FCAR: variants seen among roughly 807,000 people sequenced by gnomAD.
FCAR encodes the protein immunoglobulin alpha Fc receptor.
Under a neutral mutation model 27.1 loss-of-function variants are expected in FCAR, and 21 were observed. That is an observed-to-expected ratio of 0.77 (90% CI 0.55 to 1.11). The LOEUF is 1.11. FCAR is among the 50% of genes most tolerant of loss of function. The probability of loss-of-function intolerance (pLI) is 0.00; values close to 1 mark genes in which losing one functional copy is unlikely to be tolerated. For synonymous variants in FCAR, 134 were observed against 135.8 expected (o/e 0.99, Z 0.09); for missense variants, 404 against 358.4 (o/e 1.13, Z -1.03).
intron 4 of FCAR, 33 bp downstream of exon 4, chr19:54,888,327 G>T: frequency 6.2e-7 from 1 of 1,610,360 alleles, no homozygotes; most frequent in Non-Finnish European, 8.5e-7. Context: ...CTGTGTCTGG[G>T]TTGGCTGTCC....
intron 1 of FCAR, 107 bp downstream of exon 1, chr19:54,874,430 G>A: frequency 9.1e-7 from 1 of 1,094,970 alleles, no homozygotes. Flanking sequence ...CTGCCAAGGA[G>A]ATTCTGATCT....
intron 3 of FCAR, 36 bp downstream of exon 3, chr19:54,885,561 A>AT: frequency 2.7e-6 from 4 of 1,473,708 alleles, no homozygotes; most frequent in African/African-American, 1.4e-5. Context: ...CCCTGGTGTG[A>AT]TTTTTTTCTT....
In FCAR at chr19:54,889,746, G is replaced by A. The variant is rs764003301; in HGVS notation, c.747G>A (p.Trp249Ter). Reference sequence around the variant, plus strand: ...TCTTGGCCATACTGGTTGAAAATTGGCACAGCCATACGGCACTGAACAAGG... The same window carrying A: ...TCTTGGCCATACTGGTTGAAAATTGACACAGCCATACGGCACTGAACAAGG... ...VALLAILVEN[W>*]HSHTALNKEA... Residue 249 changes from tryptophan to a stop codon, truncating the protein, a stop_gained, in exon 5 of 5, where the codon TGG becomes TGA. Transcript: ENST00000355524. LOFTEE classifies it high-confidence loss of function. 29 of 1,613,958 alleles carry A rather than the reference G, an allele frequency of 1.8e-5. No homozygotes were observed. Among genetic ancestry groups the A allele is most frequent in the Non-Finnish European group, 2.3e-5 (27 of 1,180,014 alleles).
intron 1 of FCAR, 131 bp downstream of exon 1, chr19:54,874,454 G>A (rs1234622617): frequency 3.5e-6 from 3 of 855,832 alleles, no homozygotes; most frequent in Non-Finnish European, 5.7e-6. Flanking sequence ...TAGTGGAAAG[G>A]CCGTCTTTGT....
intron 2 of FCAR, among the ~76,000 whole-genome samples, chr19:54,882,159 G>A (rs2066458168): frequency 6.6e-6 from 1 of 152,196 alleles, no homozygotes; most frequent in Non-Finnish European, 1.5e-5. Flanking sequence ...AGCTCACGGG[G>A]AAGAGAGACT....
intron 2 of FCAR, 56 bp downstream of exon 2, chr19:54,875,421 A>G: frequency 6.8e-7 from 1 of 1,463,108 alleles, no homozygotes; most frequent in South Asian, 1.2e-5. Flanking sequence ...GAGCTCTAGG[A>G]TAAAGAAATT....
chr19:54,886,550 G>A (rs1024428601), intron 3 of FCAR, among the ~76,000 whole-genome samples: 8 of 151,740 alleles, frequency 5.3e-5, no homozygotes, highest in Non-Finnish European at 1.0e-4. Flanking sequence ...CTCGTGATCC[G>A]CCCGCCTGGC....
chr19:54,887,684 A>C (rs2066816631), intron 3 of FCAR, among the ~76,000 whole-genome samples: 1 of 151,786 alleles, frequency 6.6e-6, no homozygotes, highest in Admixed American at 6.6e-5. Context: ...TGGGAGGCCA[A>C]GGTGGGCAAA....
Position 54,885,364 on chromosome 19 carries a change from C to A in FCAR, c.200C>A (p.Thr67Lys), listed in dbSNP as rs1227385567. 1.2e-6 allele frequency: 2 copies of A among 1,614,078 alleles called. No individual in the cohort carries two copies. The highest frequency in any genetic ancestry group is 1.7e-6 in the Non-Finnish European group (2 of 1,180,018). Residue 67 changes from threonine to lysine, a missense_variant, in exon 3 of 5, where the codon ACG becomes AAG. Physicochemically the swap from Thr to Lys is moderately conservative, Grantham distance 78 (BLOSUM62 -1). Coordinates refer to ENST00000355524, the MANE Select transcript of FCAR (RefSeq NM_002000.4). ...CAGCTGATGATCATAAAAAACTCCACGTACCGAGAGATAGGCAGAAGACTG... is the reference window on the plus strand; with the variant it reads ...CAGCTGATGATCATAAAAAACTCCAAGTACCGAGAGATAGGCAGAAGACTG... ...LTQLMIIKNS[T>K]YREIGRRLKF...
At chr19:54,887,743 C>G (rs1159769332) in intron 3 of FCAR, among the ~76,000 whole-genome samples, 1 of 151,480 alleles carries the variant, frequency 6.6e-6, no homozygotes, top group Non-Finnish European at 1.5e-5. Context: ...ATGGAGAGAC[C>G]CCGTCTCTAC....
At chr19:54,876,191 A>T (rs185919643) in intron 2 of FCAR, among the ~76,000 whole-genome samples, 5 of 152,274 alleles carry the variant, frequency 3.3e-5, no homozygotes, top group Admixed American at 2.6e-4. Flanking sequence ...TGTATCCTGG[A>T]ACTTTGCTAA....
chr19:54,877,573 T>G (rs4806602), intron 2 of FCAR, among the ~76,000 whole-genome samples: 43,083 of 152,010 alleles, frequency 0.28, 6,213 homozygotes, highest in South Asian at 0.39. Flanking sequence ...CTGAATGCTT[T>G]TTCGTGTCTC....
chr19:54,888,433 G>T, intron 4 of FCAR, 139 bp downstream of exon 4: 1 of 1,446,380 alleles, frequency 6.9e-7, no homozygotes, highest in Non-Finnish European at 9.1e-7. Flanking sequence ...AGAGAGAAAG[G>T]CTTCCCCACC....
chr19:54,887,938 C>CAAT, intron 3 of FCAR, 69 bp from the exon 4 acceptor site: 2 of 1,248,114 alleles, frequency 1.6e-6, no homozygotes, highest in Non-Finnish European at 2.2e-6. Context: ...ATAATAATAA[C>CAAT]AATAATAAGA....
In FCAR at chr19:54,874,316, G is replaced by A; in HGVS notation, c.27G>A (p.Leu9=). The change falls in exon 1 of 5, where the codon CTG becomes CTA. Residue 9 remains leucine (L), a synonymous_variant. Coordinates refer to ENST00000355524, the MANE Select transcript of FCAR (RefSeq NM_002000.4). ...TGGACCCCAAACAGACCACCCTCCT[G>A]TGTCTTGGTGAGTTTCAGAGTAAAA... The part of the protein sequence containing the change: MDPKQTTL[L]CLVLCLGQRI... 1.2e-6 allele frequency: 2 copies of A among 1,614,230 alleles called. No individual in the cohort carries two copies. Among genetic ancestry groups the A allele is most frequent in the Non-Finnish European group, 1.7e-6 (2 of 1,180,032 alleles).
Position 54,882,288 on chromosome 19 carries a change from A to C in FCAR, c.71-2947A>C, listed in dbSNP as rs146588536. The stretch of plus-strand genomic sequence containing the variant: ...CATGGACCCCTTGGATTGTGTTTCA[A>C]ATTTCTCCTCAATTTCGAAGAGCGT... On this transcript the variant is annotated intron_variant, in intron 2 of 4. Transcript: ENST00000355524. Among the ~76,000 whole-genome samples the C allele has an allele frequency of 6.0e-4, 91 of 152,322 alleles. 1 individual carries two copies. In the East Asian group the frequency reaches 0.014, roughly 24 times the overall value.
chr19:54,881,606 C>A (rs1039155499), intron 2 of FCAR, among the ~76,000 whole-genome samples: 2 of 151,976 alleles, frequency 1.3e-5, no homozygotes, highest in Admixed American at 6.6e-5. Flanking sequence ...GCGCGGTGGA[C>A]TCACGCCCGG....
At chr19:54,883,826 G>T (rs796566369) in intron 2 of FCAR, among the ~76,000 whole-genome samples, 6 of 152,206 alleles carry the variant, frequency 3.9e-5, no homozygotes, top group African/African-American at 1.4e-4. Context: ...GCGTGGTGGC[G>T]GGCGCCTGTA....
Position 54,883,440 on chromosome 19 carries a change from A to C in FCAR, c.71-1795A>C, listed in dbSNP as rs2066530772. On this transcript the variant is annotated intron_variant, in intron 2 of 4. Coordinates refer to ENST00000355524, the MANE Select transcript of FCAR (RefSeq NM_002000.4). ...ATTGTTCTGCCCACGGGGCTCCCTCAGGCAGGGCATGGTGGGCAGACAGGC... is the reference window on the plus strand; with the variant it reads ...ATTGTTCTGCCCACGGGGCTCCCTCCGGCAGGGCATGGTGGGCAGACAGGC... 2.0e-5 allele frequency among the ~76,000 whole-genome samples: 3 copies of C among 152,254 alleles called. No individual in the cohort carries two copies. In the South Asian group the frequency reaches 6.2e-4, roughly 32 times the overall value.
Sources: gnomAD v4.1 joint callset for allele counts (sites outside exome capture counted in the v4.1 genomes callset) on GRCh38, gnomAD v4.1.1 for gene constraint, MANE v1.5 for transcripts, NCBI Gene and HGNC (gene_info 2026-07-23, HGNC 2026-07-21) for gene names.